SAMMSON: variants seen among roughly 807,000 people sequenced by gnomAD.
The protein encoded by SAMMSON is long intergenic non-protein coding RNA 1212.
intron 9 of SAMMSON, among the ~76,000 whole-genome samples, chr3:70,382,336 A>T (rs1465348630): frequency 6.6e-6 from 1 of 152,094 alleles, no homozygotes; most frequent in Non-Finnish European, 1.5e-5. Flanking sequence ...CCACCCAAAC[A>T]TATATCCCCT....
chr3:70,340,238 G>T (rs1251717888), intron 7 of SAMMSON, among the ~76,000 whole-genome samples: 1 of 135,268 alleles, frequency 7.4e-6, no homozygotes, highest in African/African-American at 2.8e-5. Flanking sequence ...ACTGAGGCCT[G>T]TCGTGGGTTG....
At chr3:70,378,979 T>A (rs1004774856) in intron 9 of SAMMSON, among the ~76,000 whole-genome samples, 21 of 141,450 alleles carry the variant, frequency 1.5e-4, no homozygotes, top group African/African-American at 4.2e-4. Context: ...ATACTTACAC[T>A]TTTATTTATT....
rs150371470 is a variant in SAMMSON at position 70,429,664 on chromosome 3, C to T, written n.234-32896C>T. On this transcript the variant is annotated intron_variant and non_coding_transcript_variant, in intron 2 of 3. Coordinates refer to the SAMMSON transcript ENST00000641053. ...TCCTTCAGCAGTGGTTTGTAGTTCTCTTTGAAGAGGTCCTTCACATCCCTT... is the reference window on the plus strand; with the variant it reads ...TCCTTCAGCAGTGGTTTGTAGTTCTTTTTGAAGAGGTCCTTCACATCCCTT... Among the ~76,000 whole-genome samples the T allele has an allele frequency of 7.3e-3, 1,107 of 152,232 alleles. 16 individuals are homozygous for T. The highest frequency in any genetic ancestry group is 0.024 in the African/African-American group (1,010 of 41,516).
intron 4 of SAMMSON, among the ~76,000 whole-genome samples, chr3:70,087,259 C>T (rs1290487877): frequency 2.6e-5 from 4 of 152,092 alleles, no homozygotes; most frequent in African/African-American, 9.7e-5. Flanking sequence ...CTATTTTGAC[C>T]AAGTCTCATT....
intron 4 of SAMMSON, among the ~76,000 whole-genome samples, chr3:70,143,168 A>G (rs897362146): frequency 6.6e-6 from 1 of 152,154 alleles, no homozygotes; most frequent in Non-Finnish European, 1.5e-5. Context: ...ATGCAAGTAT[A>G]GTTCTTGTAA....
intron 3 of SAMMSON, among the ~76,000 whole-genome samples, chr3:70,067,088 C>T (rs1284152631): frequency 6.6e-6 from 1 of 151,792 alleles, no homozygotes; most frequent in African/African-American, 2.4e-5. Flanking sequence ...ATAATAAGAC[C>T]ATCTAGAAGG....
At chr3:70,123,105 A>T (rs1419292295) in intron 4 of SAMMSON, among the ~76,000 whole-genome samples, 1 of 152,206 alleles carries the variant, frequency 6.6e-6, no homozygotes, top group Non-Finnish European at 1.5e-5. Flanking sequence ...GTTAGAGCAC[A>T]GATGATGGGG....
At chr3:70,177,840 C>T (rs919526101) in intron 4 of SAMMSON, among the ~76,000 whole-genome samples, 18 of 152,168 alleles carry the variant, frequency 1.2e-4, no homozygotes, top group African/African-American at 3.9e-4. Flanking sequence ...CTTATGGTAC[C>T]GCCGGCAACT....
At chr3:70,299,607 T>C (rs1301106829) in intron 7 of SAMMSON, among the ~76,000 whole-genome samples, 1 of 152,126 alleles carries the variant, frequency 6.6e-6, no homozygotes, top group Non-Finnish European at 1.5e-5. Context: ...GTGCCAGCCC[T>C]TTGTTTTCAT....
chr3:70,028,061 TTGCC>T (rs982905349), intron 3 of SAMMSON, among the ~76,000 whole-genome samples: 3 of 151,374 alleles, frequency 2.0e-5, no homozygotes, highest in South Asian at 2.1e-4. Context: ...TCCTTCCTTC[TTGCC>T]TGCCTGCCTG....
chr3:70,334,008 C>G (rs1027067520), intron 7 of SAMMSON, among the ~76,000 whole-genome samples: 1 of 152,212 alleles, frequency 6.6e-6, no homozygotes, highest in African/African-American at 2.4e-5. Context: ...AGCTTCCTCA[C>G]TTGTTCAATG....
intron 6 of SAMMSON, among the ~76,000 whole-genome samples, chr3:70,264,228 T>C (rs1701893874): frequency 6.6e-6 from 1 of 152,216 alleles, no homozygotes; most frequent in Non-Finnish European, 1.5e-5. Flanking sequence ...CTTGAACATC[T>C]CTTGACCTCT....
At chr3:70,027,136 G>T (rs1304426216) in intron 3 of SAMMSON, among the ~76,000 whole-genome samples, 2 of 152,128 alleles carry the variant, frequency 1.3e-5, no homozygotes, top group African/African-American at 4.8e-5. Flanking sequence ...CTTTGAGGTT[G>T]AGTGTTCATA....
intron 7 of SAMMSON, among the ~76,000 whole-genome samples, chr3:70,302,160 A>T (rs910613957): frequency 6.6e-6 from 1 of 152,122 alleles, no homozygotes; most frequent in East Asian, 1.9e-4. Flanking sequence ...CTGCACATTT[A>T]CTTCTCGACA....
chr3:70,091,692 G>A (rs1041886059), intron 4 of SAMMSON, among the ~76,000 whole-genome samples: 1 of 152,092 alleles, frequency 6.6e-6, no homozygotes, highest in Admixed American at 6.6e-5. Context: ...TCATAAGCTG[G>A]GAGTGACAGG....
chr3:70,110,065 G>A (rs1465264812), intron 4 of SAMMSON, among the ~76,000 whole-genome samples: 3 of 152,224 alleles, frequency 2.0e-5, no homozygotes, highest in African/African-American at 7.2e-5. Context: ...GATAACCACA[G>A]GGTGCTGTAG....
At chr3:70,150,288 A>C (rs1179271438) in intron 4 of SAMMSON, among the ~76,000 whole-genome samples, 3 of 152,102 alleles carry the variant, frequency 2.0e-5, no homozygotes, top group African/African-American at 7.2e-5. Flanking sequence ...TTATTCAAAC[A>C]TCCTGGTTTC....
intron 2 of SAMMSON, among the ~76,000 whole-genome samples, chr3:70,409,105 C>T (rs940888970): frequency 2.6e-5 from 4 of 152,024 alleles, no homozygotes; most frequent in Non-Finnish European, 4.4e-5. Flanking sequence ...TGGTGTCTCC[C>T]GTAACACATG....
chr3:70,209,392 C>T (rs928882952), intron 4 of SAMMSON, among the ~76,000 whole-genome samples: 5 of 152,096 alleles, frequency 3.3e-5, no homozygotes, highest in Admixed American at 6.6e-5. Context: ...CACACGAACA[C>T]ACACAGAGTG....
Sources: gnomAD v4.1 joint callset for allele counts (sites outside exome capture counted in the v4.1 genomes callset) on GRCh38, gnomAD v4.1.1 for gene constraint, MANE v1.5 for transcripts, NCBI Gene and HGNC (gene_info 2026-07-23, HGNC 2026-07-21) for gene names.